Variants in ZMYM2 observed in about 807,000 individuals in gnomAD.
ZMYM2 encodes the protein zinc finger MYM-type containing 2, also known as zinc finger MYM-type protein 2.
A neutral mutation model predicts 162.8 loss-of-function variants in ZMYM2; 56 were observed. The observed-to-expected ratio is 0.34, with a 90% CI of 0.28 to 0.43. ZMYM2 has a LOEUF of 0.43. ZMYM2 is among the 20% of genes least tolerant of loss of function. The pLI is 1.00. For synonymous variants in ZMYM2, 510 were observed against 541.6 expected, an observed-to-expected ratio of 0.94 and a Z score of 0.81; for missense variants, 1,275 against 1,621.8, an observed-to-expected ratio of 0.79 and a Z score of 3.67.
In ZMYM2 at chr13:19,985,877, AAAAT is replaced by A. The variant is rs560595793; in HGVS notation, c.-10-7171_-10-7168del. On this transcript the variant is annotated intron_variant, in intron 2 of 24. Transcript: ENST00000610343. ...GGCAACAGAGTGAGACTCTGTCTCA[AAAAT>A]AAATAAATAAATAAGTAAAAAAGCC... Among the ~76,000 whole-genome samples the A allele has an allele frequency of 2.3e-3, 351 of 151,702 alleles. 1 individual carries two copies. The highest frequency in any genetic ancestry group is 7.9e-3 in the African/African-American group (328 of 41,320).
rs772597109 is a variant in ZMYM2 at position 19,968,424 on chromosome 13, T to TA, written c.-11+8400dup. 1.3e-3 allele frequency among the ~76,000 whole-genome samples: 197 copies of TA among 152,270 alleles called. 3 individuals carry two copies. The highest frequency in any genetic ancestry group is 1.3e-3 in the Non-Finnish European group (90 of 68,028). ...ACAGGTGCGCGCCACTGTCCCTGGC[T>TA]AATTTTTTTGTATTTTTAGTAGAAA... On this transcript the variant is annotated intron_variant, in intron 2 of 24. Coordinates refer to ENST00000610343, the MANE Select transcript of ZMYM2 (RefSeq NM_197968.4).
the ZMYM2 span, among the ~76,000 whole-genome samples, chr13:19,893,419 C>T: frequency 6.6e-6 from 1 of 151,166 alleles, no homozygotes. Context: ...GGGTTTATAA[C>T]TTTAAATTCT....
the ZMYM2 span, among the ~76,000 whole-genome samples, chr13:19,941,771 A>G: frequency 3.4e-5 from 3 of 87,766 alleles, no homozygotes; most frequent in African/African-American, 1.4e-4. Flanking sequence ...GGGGGTGGGG[A>G]CAGGATCTCA....
chr13:19,873,575 A>T, the ZMYM2 span, among the ~76,000 whole-genome samples: 1 of 151,798 alleles, frequency 6.6e-6, no homozygotes, highest in Non-Finnish European at 1.5e-5. Context: ...CGCCCAGCTA[A>T]TTTTTGTATT....
intron 21 of ZMYM2, among the ~76,000 whole-genome samples, chr13:20,078,063 C>T (rs528769800): frequency 4.6e-5 from 7 of 152,088 alleles, no homozygotes; most frequent in East Asian, 1.9e-4. Context: ...ATGATCCACC[C>T]GCCTCGGCCT....
intron 12 of ZMYM2, among the ~76,000 whole-genome samples, chr13:20,048,491 A>G (rs750679439): frequency 1.1e-4 from 17 of 151,984 alleles, no homozygotes; most frequent in Non-Finnish European, 2.4e-4. Context: ...GAGAAGTCAT[A>G]AAGGATTTCT....
chr13:19,883,819 C>T, the ZMYM2 span, among the ~76,000 whole-genome samples: 1 of 152,174 alleles, frequency 6.6e-6, no homozygotes, highest in Non-Finnish European at 1.5e-5. Context: ...CGCACGGGCA[C>T]GATCTCGCCT....
intron 3 of ZMYM2, among the ~76,000 whole-genome samples, chr13:19,994,278 C>G (rs568603920): frequency 5.8e-4 from 88 of 152,254 alleles, no homozygotes; most frequent in African/African-American, 2.1e-3. Flanking sequence ...CCCAGGAGTT[C>G]GAGACCAGTC....
chr13:19,892,150 C>T, the ZMYM2 span, among the ~76,000 whole-genome samples: 1 of 151,852 alleles, frequency 6.6e-6, no homozygotes, highest in Non-Finnish European at 1.5e-5. Flanking sequence ...CCTGTGTTTC[C>T]CAGGCGGGTC....
rs1438589350 is a variant in ZMYM2, at chr13:20,019,589, A to G, written c.1555A>G (p.Met519Val). The part of the protein sequence containing the change: ...PSFLKEVRDH[M>V]QDSFLMQPEK... ...CTTCCTGAAGGAGGTTCGAGATCACATGCAGGACTCTTTCTTAATGCAGCC... is the reference window on the plus strand; with the variant it reads ...CTTCCTGAAGGAGGTTCGAGATCACGTGCAGGACTCTTTCTTAATGCAGCC... The change falls in exon 7 of 25, where the codon ATG becomes GTG. Residue 519 changes from methionine (M) to valine (V), a missense_variant. Transcript: ENST00000610343. 6.3e-7 allele frequency: 1 copy of G among 1,598,010 alleles called. No individual in the cohort carries two copies.
the ZMYM2 span, among the ~76,000 whole-genome samples, chr13:19,915,434 TCTTTCTTC>T: frequency 1.3e-5 from 2 of 151,674 alleles, no homozygotes; most frequent in South Asian, 2.1e-4. Context: ...TTTCTTTCTT[TCTTTCTTC>T]CTTTCTTTCT....
chr13:19,965,279 A>C, intron 2 of ZMYM2: 1 of 1,295,164 alleles, frequency 7.7e-7, no homozygotes, highest in Non-Finnish European at 1.0e-6. Flanking sequence ...TGGACTTACT[A>C]GTGTAAGAAT....
chr13:20,010,275 A>G (rs1951067009), intron 6 of ZMYM2, among the ~76,000 whole-genome samples: 1 of 152,114 alleles, frequency 6.6e-6, no homozygotes, highest in South Asian at 2.1e-4. Flanking sequence ...GGCTCACTGC[A>G]ACCTCTGCTT....
At chr13:19,984,895 C>A (rs892552288) in intron 2 of ZMYM2, among the ~76,000 whole-genome samples, 2 of 152,150 alleles carry the variant, frequency 1.3e-5, no homozygotes, top group Non-Finnish European at 2.9e-5. Flanking sequence ...TAGCAGCCAC[C>A]AGAGGGAACT....
chr13:19,883,750 GTATA>G, the ZMYM2 span, among the ~76,000 whole-genome samples: 2 of 151,276 alleles, frequency 1.3e-5, no homozygotes, highest in Non-Finnish European at 2.9e-5. Flanking sequence ...TATTCTCATG[GTATA>G]TATATATATA....
intron 2 of ZMYM2, 54 bp from the exon 3 acceptor site, chr13:19,993,009 G>C: frequency 6.6e-7 from 1 of 1,508,100 alleles, no homozygotes; most frequent in Admixed American, 2.4e-5. Flanking sequence ...TTCAGTTAGA[G>C]TAACATAAAA....
intron 14 of ZMYM2, among the ~76,000 whole-genome samples, chr13:20,053,723 A>G (rs138569260): frequency 3.3e-5 from 5 of 152,318 alleles, no homozygotes; most frequent in African/African-American, 4.8e-5. Context: ...ACTGATATAG[A>G]TGAAAATTGG....
chr13:19,936,896 A>G, the ZMYM2 span, among the ~76,000 whole-genome samples: 1 of 152,084 alleles, frequency 6.6e-6, no homozygotes, highest in South Asian at 2.1e-4. Context: ...TAGAAAATAG[A>G]CTAATTCTGG....
intron 2 of ZMYM2, among the ~76,000 whole-genome samples, chr13:19,990,155 A>G (rs1008152958): frequency 3.9e-5 from 6 of 152,336 alleles, no homozygotes; most frequent in Admixed American, 3.3e-4. Flanking sequence ...TTTAGTTAGA[A>G]TTAATGCTTT....
Sources: allele counts gnomAD v4.1 joint callset (sites outside exome capture counted in the v4.1 genomes callset), GRCh38; gene constraint gnomAD v4.1.1; transcripts MANE v1.5; gene names NCBI Gene and HGNC (gene_info 2026-07-23, HGNC 2026-07-21).